BHMT2: variants seen among roughly 807,000 people sequenced by gnomAD.
BHMT2 encodes S-methylmethionine--homocysteine S-methyltransferase BHMT2.
BHMT2 carries 28 observed loss-of-function variants against 39.0 expected under a neutral mutation model. The observed-to-expected ratio is 0.72, with a 90% confidence interval of 0.53 to 0.98. The LOEUF (loss-of-function observed/expected upper bound fraction) is 0.98, where lower values mean the gene tolerates loss of function less well. Ranked by LOEUF, BHMT2 falls within the 50% of genes least tolerant of loss-of-function variation. The probability of loss-of-function intolerance (pLI) is 0.00; values close to 1 mark genes in which losing one functional copy is unlikely to be tolerated. For synonymous variants in BHMT2, 145 were observed against 160.6 expected, an observed-to-expected ratio of 0.90 and a Z score of 0.74; for missense variants, 410 against 455.6, an observed-to-expected ratio of 0.90 and a Z score of 0.91.
chr5:79,077,529 G>T lies in BHMT2; in HGVS notation c.83G>T (p.Ser28Ile), dbSNP rs755716390. 2.5e-6 allele frequency: 4 copies of T among 1,613,960 alleles called. No homozygotes were observed. The South Asian group carries it at 4.4e-5, about 18-fold the overall frequency. The stretch of plus-strand genomic sequence containing the variant: ...GGGGAGGTTGTGATTGGAGATGGCA[G>T]CTTTCTCATTACTCTGGAGAAGAGA... The part of the protein sequence containing the change: ...ESGEVVIGDG[S>I]FLITLEKRGY... Residue 28 changes from serine (S) to isoleucine (I), a missense_variant, in exon 2 of 8, where the codon AGC becomes ATC. Physicochemically the swap from Ser to Ile is moderately radical, Grantham distance 142. Transcript: ENST00000255192.
chr5:79,086,657 C>T (rs1755901625), intron 7 of BHMT2, among the ~76,000 whole-genome samples: 1 of 152,126 alleles, frequency 6.6e-6, no homozygotes, highest in Non-Finnish European at 1.5e-5. Context: ...AATGAATTTT[C>T]TTCTCTTGCA....
rs557425711 is a variant in BHMT2 at position 79,081,953 on chromosome 5, C to T, written c.451-856C>T. Among the ~76,000 whole-genome samples the T allele has an allele frequency of 1.7e-4, 26 of 152,322 alleles. No homozygotes were observed. The South Asian group carries it at 4.6e-3, about 27-fold the overall frequency. ...AAACCTTGCCTCATCCTCCTGCCCA[C>T]GCCTGGCCAACCCCACTGGGAACAG... On this transcript the variant is annotated intron_variant, in intron 4 of 7. Transcript: ENST00000255192.
intron 1 of BHMT2, among the ~76,000 whole-genome samples, chr5:79,071,793 T>C (rs575104901): frequency 7.7e-6 from 1 of 129,898 alleles, no homozygotes; most frequent in East Asian, 2.2e-4. Flanking sequence ...AACCTGCACA[T>C]CCTGCACATG....
intron 7 of BHMT2, among the ~76,000 whole-genome samples, chr5:79,087,010 G>GTATATATATATATATATA (rs71615505): frequency 1.8e-5 from 2 of 113,464 alleles, no homozygotes; most frequent in Non-Finnish European, 3.4e-5. Flanking sequence ...GTGTGTGTGT[G>GTATATATATATATATATA]TGTGTATATA....
chr5:79,088,641 C>G lies in BHMT2; in HGVS notation c.*67C>G. The G allele has an allele frequency of 7.9e-7, 1 of 1,271,784 alleles. No homozygotes were observed. The highest frequency in any genetic ancestry group is 1.1e-6 in the Non-Finnish European group (1 of 881,590). 78.8% of individuals were successfully genotyped at this position (1,271,784 alleles called of 1,614,324 possible). A position where few individuals can be genotyped will look rare whatever the true frequency, so the allele number is the denominator to read the frequency against. On this transcript the variant is annotated 3_prime_UTR_variant, in exon 8 of 8. Coordinates refer to ENST00000255192, the MANE Select transcript of BHMT2 (RefSeq NM_017614.5). ...AGTTGCCCTCAAGCCTGACCTGGAACCGTTCCTCACCTTCATCCTCACCAT... is the reference window on the plus strand; with the variant it reads ...AGTTGCCCTCAAGCCTGACCTGGAAGCGTTCCTCACCTTCATCCTCACCAT...
intron 3 of BHMT2, among the ~76,000 whole-genome samples, chr5:79,079,915 A>G (rs569037570): frequency 1.3e-5 from 2 of 152,314 alleles, no homozygotes; most frequent in East Asian, 1.9e-4. Flanking sequence ...GTTAATATAT[A>G]CTAAATGAAT....
At chr5:79,071,354 C>CTACA (rs60966081) in intron 1 of BHMT2, 109,849 of 151,740 alleles carry the variant, frequency 0.72, 40,464 homozygotes, top group East Asian at 0.79. Flanking sequence ...TCACCTCCTA[C>CTACA]TACACAGTGA....
rs750110300 is a variant in BHMT2, at chr5:79,083,688, A to G, written c.842A>G (p.Asn281Ser). The change falls in exon 7 of 8, where the codon AAC becomes AGC. Residue 281 changes from asparagine (N) to serine (S), a missense_variant. Coordinates refer to ENST00000255192, the MANE Select transcript of BHMT2 (RefSeq NM_017614.5). ...DIQKYAREAY[N>S]LGVRYIGGCC... ...CAAAAATACGCCAGAGAGGCCTACA[A>G]CCTGGGGGTCAGGTACATTGGCGGG... 4.6e-5 allele frequency: 74 copies of G among 1,613,964 alleles called. No homozygotes were observed. The highest frequency in any genetic ancestry group is 6.2e-5 in the Non-Finnish European group (73 of 1,180,006).
At chr5:79,080,660 A>C (rs773012136) in intron 3 of BHMT2, 27 bp from the exon 4 acceptor site, 9 of 1,557,542 alleles carry the variant, frequency 5.8e-6, no homozygotes, top group African/African-American at 4.2e-5. Context: ...TAGGCTCACT[A>C]TCTGAACTCT....
chr5:79,088,754 G>T lies in BHMT2; in HGVS notation c.*180G>T, dbSNP rs1755958458. The T allele has an allele frequency of 1.8e-6, 1 of 550,756 alleles. No homozygotes were observed. Among genetic ancestry groups the T allele is most frequent in the Non-Finnish European group, 3.3e-6 (1 of 300,106 alleles). 34.1% of individuals were successfully genotyped at this position (550,756 alleles called of 1,614,324 possible). On this transcript the variant is annotated 3_prime_UTR_variant, in exon 8 of 8. Coordinates refer to ENST00000255192, the MANE Select transcript of BHMT2 (RefSeq NM_017614.5). ...AGTGTGTGCATATTGAGCTCCTGCT[G>T]TGGTTAAGCACTGCAACAGACTCTA...
intron 7 of BHMT2, among the ~76,000 whole-genome samples, chr5:79,084,698 G>A (rs1271160502): frequency 6.6e-6 from 1 of 152,174 alleles, no homozygotes; most frequent in Non-Finnish European, 1.5e-5. Flanking sequence ...CCATGGCACA[G>A]AGGAAACCTG....
intron 2 of BHMT2, among the ~76,000 whole-genome samples, chr5:79,078,773 T>A (rs1031782219): frequency 6.6e-6 from 1 of 152,266 alleles, no homozygotes; most frequent in Non-Finnish European, 1.5e-5. Flanking sequence ...AAGAAGAACT[T>A]GTTCTTAATG....
At position 79,083,194 on chromosome 5, in the gene BHMT2, G is replaced by C. The variant is rs777227456; in HGVS notation, c.601G>C (p.Ala201Pro). 2.5e-6 allele frequency: 4 copies of C among 1,613,986 alleles called. No homozygotes were observed. In the East Asian group the frequency reaches 8.9e-5, roughly 36 times the overall value. ...GTAAGTGTTATTTCTTTGCACAGGGGCTTCCATCGTTGGCGTGAACTGCCG... is the reference window on the plus strand; with the variant it reads ...GTAAGTGTTATTTCTTTGCACAGGGCCTTCCATCGTTGGCGTGAACTGCCG... ...ECAVRLVKAG[A>P]SIVGVNCRFG... The change falls in exon 6 of 8, where the codon GCT becomes CCT. Residue 201 changes from alanine (A) to proline (P), a missense_variant and splice_region_variant. By Grantham distance (27) the Ala-to-Pro change is conservative. Coordinates refer to ENST00000255192, the MANE Select transcript of BHMT2 (RefSeq NM_017614.5).
chr5:79,083,865 T>G lies in BHMT2; in HGVS notation c.1010+9T>G, dbSNP rs753207055. ...CCCTGGATTAGAGCAAGGTAAGCAT[T>G]TTTAAATTAACATTCTTATTATTTT... On this transcript the variant is annotated intron_variant, in intron 7 of 7. Coordinates refer to ENST00000255192, the MANE Select transcript of BHMT2 (RefSeq NM_017614.5). 1 of 1,604,924 alleles carries G rather than the reference T, an allele frequency of 6.2e-7. No homozygotes were observed. Among genetic ancestry groups the G allele is most frequent in the Non-Finnish European group, 8.5e-7 (1 of 1,175,310 alleles).
chr5:79,087,041 T>TATATATATATATATAC (rs1491463046), intron 7 of BHMT2, among the ~76,000 whole-genome samples: 9 of 138,388 alleles, frequency 6.5e-5, no homozygotes, highest in South Asian at 2.3e-4. Flanking sequence ...TATATATATA[T>TATATATATATATATAC]ACATATGTAT....
chr5:79,087,359 TA>T (rs1192270624), intron 7 of BHMT2, among the ~76,000 whole-genome samples: 5 of 152,044 alleles, frequency 3.3e-5, no homozygotes, highest in African/African-American at 1.2e-4. Context: ...TAAATATAAT[TA>T]AAAGGTGAGG....
intron 1 of BHMT2, among the ~76,000 whole-genome samples, chr5:79,075,778 G>A (rs983298472): frequency 6.6e-6 from 1 of 152,180 alleles, no homozygotes; most frequent in Admixed American, 6.5e-5. Flanking sequence ...AAGTGAAATG[G>A]GAAAAGTTCC....
At position 79,083,325 on chromosome 5, in the gene BHMT2, G is replaced by C. The variant is rs767577205; in HGVS notation, c.732G>C (p.Ala244=). 6.2e-7 allele frequency: 1 copy of C among 1,610,902 alleles called. No homozygotes were observed. Among genetic ancestry groups the C allele is most frequent in the Non-Finnish European group, 8.5e-7 (1 of 1,177,824 alleles). ...TGGTGCAGCCTCTGGGGTTCCACGCGCCTGACTGTGGCAAAGAGGGGTTTG... is the reference window on the plus strand; with the variant it reads ...TGGTGCAGCCTCTGGGGTTCCACGCCCCTGACTGTGGCAAAGAGGGGTTTG... ...HLMVQPLGFH[A]PDCGKEGFVD... Residue 244 remains alanine (A), a synonymous_variant, in exon 6 of 8, where the codon GCG becomes GCC. Coordinates refer to ENST00000255192, the MANE Select transcript of BHMT2 (RefSeq NM_017614.5).
intron 1 of BHMT2, among the ~76,000 whole-genome samples, chr5:79,073,674 A>T (rs1254975197): frequency 3.3e-5 from 5 of 152,238 alleles, no homozygotes; most frequent in Admixed American, 3.3e-4. Flanking sequence ...ATTCAGCTTT[A>T]GATATAAAAT....
Sources: gnomAD v4.1 joint callset for allele counts (sites outside exome capture counted in the v4.1 genomes callset) on GRCh38, gnomAD v4.1.1 for gene constraint, MANE v1.5 for transcripts, NCBI Gene and HGNC (gene_info 2026-07-23, HGNC 2026-07-21) for gene names.